VPS13B: variants seen among roughly 807,000 people sequenced by gnomAD.
VPS13B encodes vacuolar protein sorting 13 homolog B, also known as intermembrane lipid transfer protein VPS13B.
Under a neutral mutation model 426.4 loss-of-function variants are expected in VPS13B, and 285 were observed. The ratio of observed to expected loss-of-function variants is 0.67; its 90% CI spans 0.61 to 0.74. The LOEUF is 0.74. VPS13B is among the 30% of genes least tolerant of loss of function. The probability of loss-of-function intolerance (pLI) is 0.00; values close to 1 mark genes in which losing one functional copy is unlikely to be tolerated. For missense variants in VPS13B, 4,537 were observed against 4,782.6 expected, an observed-to-expected ratio of 0.95 and a Z score of 1.51; for synonymous variants, 1,676 against 1,676.4, an observed-to-expected ratio of 1.00 and a Z score of 0.01.
intron 31 of VPS13B, among the ~76,000 whole-genome samples, chr8:99,562,937 T>C (rs912133003): frequency 6.6e-6 from 1 of 152,140 alleles, no homozygotes; most frequent in African/African-American, 2.4e-5. Flanking sequence ...GGAGGATCGC[T>C]TGAAGCCAGG....
At chr8:99,765,056 G>A (rs1318429384) in intron 39 of VPS13B, among the ~76,000 whole-genome samples, 1 of 152,080 alleles carries the variant, frequency 6.6e-6, no homozygotes, top group East Asian at 1.9e-4. Context: ...GACCAGCCTG[G>A]CCAACATGGC....
chr8:99,629,963 A>G (rs1214791868), intron 33 of VPS13B, among the ~76,000 whole-genome samples: 1 of 152,142 alleles, frequency 6.6e-6, no homozygotes, highest in African/African-American at 2.4e-5. Flanking sequence ...GACTTGCTTG[A>G]AAAGTTCTTA....
At chr8:99,263,291 A>T (rs1818143881) in intron 17 of VPS13B, among the ~76,000 whole-genome samples, 1 of 152,162 alleles carries the variant, frequency 6.6e-6, no homozygotes, top group Admixed American at 6.5e-5. Context: ...CTGAAAGCTA[A>T]ATCATTCTCT....
intron 33 of VPS13B, among the ~76,000 whole-genome samples, chr8:99,580,311 T>G (rs1477559808): frequency 6.9e-6 from 1 of 144,292 alleles, no homozygotes. Context: ...GTATAATTAA[T>G]ATATATAACA....
chr8:99,401,802 G>T (rs1020321478), intron 21 of VPS13B, among the ~76,000 whole-genome samples: 1 of 152,146 alleles, frequency 6.6e-6, no homozygotes, highest in Non-Finnish European at 1.5e-5. Context: ...GGAGGTGGAG[G>T]TTGCAGTGAG....
chr8:99,286,312 C>G (rs1819440311), intron 19 of VPS13B, among the ~76,000 whole-genome samples: 1 of 152,102 alleles, frequency 6.6e-6, no homozygotes, highest in Non-Finnish European at 1.5e-5. Flanking sequence ...TGGCTTCGGT[C>G]TGTTAAAGAA....
chr8:99,826,116 G>A (rs1357334627), intron 51 of VPS13B, among the ~76,000 whole-genome samples: 2 of 152,188 alleles, frequency 1.3e-5, no homozygotes, highest in Non-Finnish European at 2.9e-5. Flanking sequence ...GAAAGTCAAT[G>A]GTAGCTTGAT....
At chr8:99,696,928 G>A in intron 35 of VPS13B, 1 of 711,158 alleles carries the variant, frequency 1.4e-6, no homozygotes, top group Non-Finnish European at 2.6e-6. Flanking sequence ...AAAGGCCAAT[G>A]ATAAGCTGAT....
At chr8:99,015,508 G>T (rs549877890) in intron 2 of VPS13B, among the ~76,000 whole-genome samples, 2 of 151,508 alleles carry the variant, frequency 1.3e-5, no homozygotes, top group Non-Finnish European at 2.9e-5. Context: ...GAGCCACCGC[G>T]CCTGGCCAAC....
At chr8:99,107,114 T>A (rs1312902924) in intron 5 of VPS13B, among the ~76,000 whole-genome samples, 1 of 152,196 alleles carries the variant, frequency 6.6e-6, no homozygotes, top group Non-Finnish European at 1.5e-5. Context: ...AGTTTTTTCA[T>A]AATAGTAATG....
At chr8:99,460,030 A>C (rs1362150216) in intron 23 of VPS13B, among the ~76,000 whole-genome samples, 5 of 152,084 alleles carry the variant, frequency 3.3e-5, no homozygotes, top group Admixed American at 1.3e-4. Context: ...GTATTTTGTT[A>C]ATCTTGCTAT....
At chr8:99,028,017 A>G (rs2132174197) in intron 2 of VPS13B, among the ~76,000 whole-genome samples, 1 of 152,364 alleles carries the variant, frequency 6.6e-6, no homozygotes, top group East Asian at 1.9e-4. Context: ...TTCAGAGAGC[A>G]CAGGGTTGGG....
intron 34 of VPS13B, among the ~76,000 whole-genome samples, chr8:99,647,334 G>C (rs866605360): frequency 2.6e-4 from 40 of 152,188 alleles, no homozygotes; most frequent in African/African-American, 9.4e-4. Context: ...GGCCGAGGTG[G>C]GCAGATCATC....
chr8:99,207,593 T>C (rs751036773), intron 17 of VPS13B, among the ~76,000 whole-genome samples: 3 of 152,190 alleles, frequency 2.0e-5, no homozygotes, highest in African/African-American at 7.2e-5. Flanking sequence ...AAGTAGGCAA[T>C]ATGAATTTAG....
intron 19 of VPS13B, among the ~76,000 whole-genome samples, chr8:99,310,053 A>C (rs929446708): frequency 6.6e-6 from 1 of 152,200 alleles, no homozygotes; most frequent in Non-Finnish European, 1.5e-5. Context: ...ACTTTGCTGA[A>C]GTTGCTTATC....
chr8:99,333,159 T>C (rs1012882150), intron 19 of VPS13B, among the ~76,000 whole-genome samples: 7 of 151,744 alleles, frequency 4.6e-5, no homozygotes, highest in Non-Finnish European at 8.9e-5. Context: ...ATCTGACATT[T>C]AGAAATGTAA....
chr8:99,236,774 G>A (rs1315455582), intron 17 of VPS13B, among the ~76,000 whole-genome samples: 1 of 152,130 alleles, frequency 6.6e-6, no homozygotes, highest in Non-Finnish European at 1.5e-5. Context: ...ATGGAGAATG[G>A]AGAAAAAAGA....
chr8:99,278,723 A>G (rs1819019464), intron 19 of VPS13B, among the ~76,000 whole-genome samples: 1 of 152,128 alleles, frequency 6.6e-6, no homozygotes. Context: ...AACGTAACGG[A>G]TCTCCTTTTT....
chr8:99,578,740 G>A (rs183783589), intron 33 of VPS13B, among the ~76,000 whole-genome samples: 2 of 152,242 alleles, frequency 1.3e-5, no homozygotes, highest in Admixed American at 1.3e-4. Flanking sequence ...TTGGATAAAA[G>A]TAAATTACAT....
Sources: gnomAD v4.1 joint callset for allele counts (sites outside exome capture counted in the v4.1 genomes callset) on GRCh38, gnomAD v4.1.1 for gene constraint, MANE v1.5 for transcripts, NCBI Gene and HGNC (gene_info 2026-07-23, HGNC 2026-07-21) for gene names.